The following ITFG1 variants were observed in gnomAD, a reference collection of about 807,000 sequenced individuals.
ITFG1 encodes the protein integrin alpha FG-GAP repeat containing 1.
A neutral mutation model predicts 81.8 loss-of-function variants in ITFG1; 34 were observed. That is an observed-to-expected ratio of 0.42 (90% CI 0.32 to 0.55). The LOEUF (loss-of-function observed/expected upper bound fraction) is 0.55. Among genes scored for constraint, ITFG1 ranks in the 20% least tolerant of loss-of-function variants. The pLI is 0.17. For missense variants in ITFG1, 672 were observed against 755.4 expected, an observed-to-expected ratio of 0.89 and a Z score of 1.29; for synonymous variants, 285 against 270.6, an observed-to-expected ratio of 1.05 and a Z score of -0.52.
chr16:47,310,376 T>C (rs780471766), intron 10 of ITFG1, among the ~76,000 whole-genome samples: 56 of 152,022 alleles, frequency 3.7e-4, no homozygotes, highest in Non-Finnish European at 7.6e-4. Context: ...AACAAATAAA[T>C]TAATGCTCAG....
At chr16:47,443,859 G>A (rs1459887396) in intron 5 of ITFG1, among the ~76,000 whole-genome samples, 1 of 151,984 alleles carries the variant, frequency 6.6e-6, no homozygotes, top group Non-Finnish European at 1.5e-5. Context: ...TGACAAATCT[G>A]CACGTTGTGC....
chr16:47,197,892 C>A (rs1171356265), intron 14 of ITFG1, among the ~76,000 whole-genome samples: 1 of 152,148 alleles, frequency 6.6e-6, no homozygotes, highest in African/African-American at 2.4e-5. Context: ...AACTACATGA[C>A]AAAATAATTT....
chr16:47,317,862 T>C lies in ITFG1; in HGVS notation c.803-4039A>G, dbSNP rs1039897167. ...CTCTGTATCCCTTCCTTTTGAACAC[T>C]GCTCCAGCCTCTTGGGACTCCAGGA... On this transcript the variant is annotated intron_variant, in intron 8 of 17. Transcript: ENST00000320640. 7 of 152,368 alleles carry C rather than the reference T, an allele frequency of 4.6e-5. 1 individual carries two copies. Among genetic ancestry groups the C allele is most frequent in the Non-Finnish European group, 1.5e-5 (1 of 68,052 alleles). 9.4% of individuals were successfully genotyped at this position (152,368 alleles called of 1,614,324 possible). A position where few individuals can be genotyped will look rare whatever the true frequency, so the allele number is the denominator to read the frequency against.
chr16:47,444,505 T>A (rs1420815578), intron 5 of ITFG1, among the ~76,000 whole-genome samples: 1 of 152,102 alleles, frequency 6.6e-6, no homozygotes, highest in African/African-American at 2.4e-5. Flanking sequence ...AAGAAAAAGG[T>A]ATATACTGTA....
At chr16:47,326,904 G>T (rs1967554598) in intron 8 of ITFG1, among the ~76,000 whole-genome samples, 1 of 152,098 alleles carries the variant, frequency 6.6e-6, no homozygotes, top group Admixed American at 6.5e-5. Context: ...AGTGCCCAAG[G>T]TAATTTATAG....
rs57114470 is a variant in ITFG1 at position 47,214,921 on chromosome 16, AACACACACACAC to A, written c.1453+3935_1453+3946del. Among the ~76,000 whole-genome samples, 552 of 145,138 alleles carry A rather than the reference AACACACACACAC, an allele frequency of 3.8e-3. 3 individuals are homozygous for A. Among genetic ancestry groups the A allele is most frequent in the African/African-American group, 8.2e-3 (326 of 39,806 alleles). ...ATCCTATGTTATTACCCAGTGTGAA[AACACACACACAC>A]ACACACACACACACACACACACACA... On this transcript the variant is annotated intron_variant, in intron 14 of 17. Transcript: ENST00000320640.
At chr16:47,348,958 C>A (rs1250038304) in intron 8 of ITFG1, among the ~76,000 whole-genome samples, 1 of 152,090 alleles carries the variant, frequency 6.6e-6, no homozygotes, top group Non-Finnish European at 1.5e-5. Flanking sequence ...TCCAGCCAAA[C>A]TAAGCTTCAC....
intron 6 of ITFG1, among the ~76,000 whole-genome samples, chr16:47,416,484 TTTAGA>T (rs1968877075): frequency 6.6e-6 from 1 of 152,210 alleles, no homozygotes; most frequent in African/African-American, 2.4e-5. Context: ...TCTGATATAG[TTTAGA>T]TGTTTGTCCC....
chr16:47,235,038 A>T (rs1965858011), intron 13 of ITFG1, among the ~76,000 whole-genome samples: 1 of 152,204 alleles, frequency 6.6e-6, no homozygotes, highest in African/African-American at 2.4e-5. Context: ...ACTGTGAGCC[A>T]ATTAAACCTC....
chr16:47,232,767 G>A (rs1469639753), intron 13 of ITFG1, among the ~76,000 whole-genome samples: 1 of 151,442 alleles, frequency 6.6e-6, no homozygotes, highest in Non-Finnish European at 1.5e-5. Flanking sequence ...TCAGCCTCCC[G>A]GGTAGCTCGG....
At chr16:47,325,329 G>A (rs556278175) in intron 8 of ITFG1, among the ~76,000 whole-genome samples, 3 of 152,310 alleles carry the variant, frequency 2.0e-5, no homozygotes, top group African/African-American at 7.2e-5. Context: ...AAAGCAGTGT[G>A]TAGAGGGAAA....
At chr16:47,457,738 A>C (rs1296242162) in intron 2 of ITFG1, among the ~76,000 whole-genome samples, 1 of 152,206 alleles carries the variant, frequency 6.6e-6, no homozygotes, top group Admixed American at 6.5e-5. Flanking sequence ...ATTTGTTTTA[A>C]CTTATCAGAA....
intron 6 of ITFG1, among the ~76,000 whole-genome samples, chr16:47,413,946 G>A (rs898909162): frequency 6.6e-6 from 1 of 151,748 alleles, no homozygotes; most frequent in East Asian, 2.0e-4. Flanking sequence ...TCAGCCTCCC[G>A]AGTAGCTGGG....
intron 6 of ITFG1, among the ~76,000 whole-genome samples, chr16:47,387,604 G>A (rs1054465778): frequency 6.6e-6 from 1 of 152,106 alleles, no homozygotes; most frequent in African/African-American, 2.4e-5. Context: ...GCAGTCTCCT[G>A]TCCTTGATCT....
chr16:47,290,743 G>A (rs905090701), intron 10 of ITFG1, among the ~76,000 whole-genome samples: 5 of 152,060 alleles, frequency 3.3e-5, no homozygotes, highest in Non-Finnish European at 7.4e-5. Flanking sequence ...GGCCATATTT[G>A]TTTTTAAATC....
At chr16:47,346,285 T>G (rs1383469945) in intron 8 of ITFG1, among the ~76,000 whole-genome samples, 1 of 152,154 alleles carries the variant, frequency 6.6e-6, no homozygotes, top group Non-Finnish European at 1.5e-5. Context: ...AGGAGGAACT[T>G]GGAAAACTAT....
At position 47,154,751 on chromosome 16, in the gene ITFG1, G is replaced by T. The variant is rs1383533767; in HGVS notation, c.*968C>A. 1 of 152,138 alleles carries T rather than the reference G, an allele frequency of 6.6e-6. No homozygotes were observed. Among genetic ancestry groups the T allele is most frequent in the Non-Finnish European group, 1.5e-5 (1 of 68,008 alleles). The allele number at this position is 152,138 out of a possible 1,614,324, so 9.4% of individuals were successfully genotyped here. On this transcript the variant is annotated 3_prime_UTR_variant, in exon 18 of 18. Coordinates refer to ENST00000320640, the MANE Select transcript of ITFG1 (RefSeq NM_030790.5). Reference sequence around the variant, plus strand: ...GCTGCCTACAGCAGTTTCCTTTCAAGAAATCAAATGTTCTTCATTATCACA... The same window carrying T: ...GCTGCCTACAGCAGTTTCCTTTCAATAAATCAAATGTTCTTCATTATCACA...
At chr16:47,219,610 A>C (rs989626129) in intron 13 of ITFG1, among the ~76,000 whole-genome samples, 1 of 152,194 alleles carries the variant, frequency 6.6e-6, no homozygotes, top group Non-Finnish European at 1.5e-5. Context: ...CTAAGATGAC[A>C]AAATGTTTAA....
At chr16:47,288,429 T>G (rs1256007453) in intron 10 of ITFG1, among the ~76,000 whole-genome samples, 1 of 152,198 alleles carries the variant, frequency 6.6e-6, no homozygotes, top group Non-Finnish European at 1.5e-5. Flanking sequence ...CCTTTTGATT[T>G]CCTTTCCTTG....
Sources: allele counts gnomAD v4.1 joint callset (sites outside exome capture counted in the v4.1 genomes callset), GRCh38; gene constraint gnomAD v4.1.1; transcripts MANE v1.5; gene names NCBI Gene and HGNC (gene_info 2026-07-23, HGNC 2026-07-21).